The following RNF43 variants were observed in gnomAD, a reference collection of about 807,000 sequenced individuals.
RNF43 encodes ring finger protein 43.
In RNF43, 37 loss-of-function variants were observed where a neutral mutation model predicts 78.4. The ratio of observed to expected loss-of-function variants is 0.47; its 90% confidence interval spans 0.36 to 0.62. The LOEUF is 0.62. RNF43 is among the 20% of genes least tolerant of loss of function. The pLI is 0.00. For missense variants in RNF43, 774 were observed against 1,007.9 expected, an observed-to-expected ratio of 0.77 and a Z score of 3.14; for synonymous variants, 347 against 395.0, an observed-to-expected ratio of 0.88 and a Z score of 1.44.
chr17:58,358,962 TA>T lies in RNF43; in HGVS notation c.953-140del. On this transcript the variant is annotated intron_variant, in intron 8 of 9. Coordinates refer to ENST00000407977, the MANE Select transcript of RNF43 (RefSeq NM_017763.6). The surrounding 1 kb of genome is among the most constrained non-coding windows in gnomAD (Gnocchi z 6.2). Reference sequence around the variant, plus strand: ...GAGTTTGGGGGATCAAGGACGTGCCTAAGCTGCCTGTGCTCTGGGACTCCTT... The same window carrying T: ...GAGTTTGGGGGATCAAGGACGTGCCTAGCTGCCTGTGCTCTGGGACTCCTT... 3 of 932,248 alleles carry T rather than the reference TA, an allele frequency of 3.2e-6. No individual in the cohort carries two copies. The highest frequency in any genetic ancestry group is 4.6e-6 in the Non-Finnish European group (3 of 659,276). 57.7% of individuals were successfully genotyped at this position (932,248 alleles called of 1,614,324 possible).
rs1972767451 is a variant in RNF43 at position 58,358,788 on chromosome 17, G to A, written c.988C>T (p.Arg330Ter). The A allele has an allele frequency of 6.4e-6, 10 of 1,550,698 alleles. No homozygotes were observed. Among genetic ancestry groups the A allele is most frequent in the Non-Finnish European group, 8.7e-6 (10 of 1,146,786 alleles). ...DSFSQSLGPSRSYQEPGRRLH... is the reference protein window; with the variant it reads ...DSFSQSLGPS ...CTTCGACCTGGTTCTTGGTAAGATC[G>A]AGAGGGTCCCAGGGACTGGGAAAAT... The change falls in exon 9 of 10, where the codon CGA becomes TGA. Residue 330 changes from arginine (R) to a stop codon, truncating the protein, a stop_gained. Transcript: ENST00000407977. LOFTEE classifies it high-confidence loss of function. The surrounding 1 kb of genome is among the most constrained non-coding windows in gnomAD (Gnocchi z 6.2).
intron 2 of RNF43, among the ~76,000 whole-genome samples, chr17:58,400,660 C>T (rs1297461187): frequency 6.6e-6 from 1 of 152,180 alleles, no homozygotes; most frequent in Non-Finnish European, 1.5e-5. Context: ...AAATACAAGT[C>T]TACTGAGAGC....
intron 3 of RNF43, among the ~76,000 whole-genome samples, chr17:58,366,709 A>T (rs1236614733): frequency 6.6e-6 from 1 of 152,194 alleles, no homozygotes; most frequent in Non-Finnish European, 1.5e-5. Flanking sequence ...TAATAACAGG[A>T]CCTAGTCCAT....
chr17:58,360,116 T>C lies in RNF43; in HGVS notation c.952+33A>G, dbSNP rs2143437684. Reference sequence around the variant, plus strand: ...AAGCCACATTCTAGACCTGTCTGCCTACACAGAGGGGAGTCCTTGGCCCAC... The same window carrying C: ...AAGCCACATTCTAGACCTGTCTGCCCACACAGAGGGGAGTCCTTGGCCCAC... On this transcript the variant is annotated intron_variant, in intron 8 of 9. Coordinates refer to ENST00000407977, the MANE Select transcript of RNF43 (RefSeq NM_017763.6). The surrounding 1 kb of genome is among the most constrained non-coding windows in gnomAD (Gnocchi z 4.3). The C allele has an allele frequency of 1.3e-6, 2 of 1,532,492 alleles. No individual in the cohort carries two copies. Among genetic ancestry groups the C allele is most frequent in the Non-Finnish European group, 1.8e-6 (2 of 1,106,760 alleles). 94.9% of individuals were successfully genotyped at this position (1,532,492 alleles called of 1,614,324 possible).
At chr17:58,368,549 TAA>T (rs1300899429) in intron 3 of RNF43, among the ~76,000 whole-genome samples, 6 of 104,524 alleles carry the variant, frequency 5.7e-5, no homozygotes, top group African/African-American at 7.2e-5. Flanking sequence ...TCCATCTCGT[TAA>T]AAAAAAAAAA....
At position 58,362,685 on chromosome 17, in the gene RNF43, C is replaced by T. The variant is rs201082136; in HGVS notation, c.583-37G>A. The T allele has an allele frequency of 6.7e-5, 102 of 1,518,478 alleles. No homozygotes were observed. The highest frequency in any genetic ancestry group is 8.6e-5 in the Non-Finnish European group (95 of 1,108,386). 94.1% of individuals were successfully genotyped at this position (1,518,478 alleles called of 1,614,324 possible). A position where few individuals can be genotyped will look rare whatever the true frequency, so the allele number is the denominator to read the frequency against. Reference sequence around the variant, plus strand: ...GCAGAGAGGGAAAGGGTCATACTTCCGGGATGAGCTGGGTCAATTCGGGAG... The same window carrying T: ...GCAGAGAGGGAAAGGGTCATACTTCTGGGATGAGCTGGGTCAATTCGGGAG... On this transcript the variant is annotated intron_variant, in intron 5 of 9. Transcript: ENST00000407977.
rs1567872383 is a variant in RNF43, at chr17:58,357,454, C to G, written c.2308+14G>C. ...TCCTCTCCCTACCACACCCACTTCC[C>G]TCTGAAAACTCACCAGGCTGGGCCG... is the stretch of plus-strand genomic sequence containing the variant. On this transcript the variant is annotated intron_variant, in intron 9 of 9. Transcript: ENST00000407977. This position sits in a 1 kb window ranked among gnomAD's most constrained non-coding sequence, Gnocchi z 4.5. 6.2e-7 allele frequency: 1 copy of G among 1,614,264 alleles called. No individual in the cohort carries two copies. Among genetic ancestry groups the G allele is most frequent in the African/African-American group, 1.3e-5 (1 of 75,080 alleles).
intron 2 of RNF43, among the ~76,000 whole-genome samples, chr17:58,374,507 C>T (rs1973165545): frequency 6.6e-6 from 1 of 151,992 alleles, no homozygotes; most frequent in African/African-American, 2.4e-5. Flanking sequence ...ATTCTCCTGC[C>T]TCAGCCTCCC....
chr17:58,400,023 C>T (rs192167745), intron 2 of RNF43, among the ~76,000 whole-genome samples: 212 of 152,294 alleles, frequency 1.4e-3, no homozygotes, highest in Non-Finnish European at 2.4e-3. Context: ...TAGGATCCCT[C>T]AGACTCTGAT....
At chr17:58,398,443 A>T (rs1309727406) in intron 2 of RNF43, among the ~76,000 whole-genome samples, 1 of 152,198 alleles carries the variant, frequency 6.6e-6, no homozygotes, top group Non-Finnish European at 1.5e-5. Context: ...CATAGCAGAG[A>T]AAAAATTCCA....
At chr17:58,375,884 C>T (rs759055552) in intron 2 of RNF43, among the ~76,000 whole-genome samples, 7 of 152,222 alleles carry the variant, frequency 4.6e-5, no homozygotes, top group Admixed American at 1.3e-4. Flanking sequence ...GGGGCATTTG[C>T]CAAAAGCAAA....
intron 6 of RNF43, among the ~76,000 whole-genome samples, chr17:58,361,519 C>G (rs1429497033): frequency 6.6e-6 from 1 of 152,196 alleles, no homozygotes; most frequent in Non-Finnish European, 1.5e-5. Flanking sequence ...GCAATAGCCT[C>G]TTAGATGGTT....
At chr17:58,405,714 G>GAAAGAA (rs953064854) in intron 2 of RNF43, among the ~76,000 whole-genome samples, 1 of 143,498 alleles carries the variant, frequency 7.0e-6, no homozygotes, top group Non-Finnish European at 1.5e-5. Context: ...AAGAAAGAAA[G>GAAAGAA]AAAGAAAGAA....
At chr17:58,365,911 C>G (rs903230224) in intron 3 of RNF43, among the ~76,000 whole-genome samples, 11 of 152,198 alleles carry the variant, frequency 7.2e-5, no homozygotes, top group Non-Finnish European at 2.9e-5. Flanking sequence ...GGAGCCATTA[C>G]AGAGAGAGCA....
chr17:58,364,238 C>T (rs550554731), intron 3 of RNF43, among the ~76,000 whole-genome samples: 1 of 152,352 alleles, frequency 6.6e-6, no homozygotes, highest in East Asian at 1.9e-4. Flanking sequence ...GGCTCCAATT[C>T]AAGGACTTAG....
chr17:58,405,068 CTTTTTTTTTTTTTTTTT>C (rs35147601), intron 2 of RNF43, among the ~76,000 whole-genome samples: 883 of 79,642 alleles, frequency 0.011, 12 homozygotes, highest in African/African-American at 0.019. Flanking sequence ...TGTAGTACTT[CTTTTTTTTTTTTTTTTT>C]TTTTTTTTTT....
intron 2 of RNF43, among the ~76,000 whole-genome samples, chr17:58,379,540 C>T (rs143907760): frequency 6.1e-4 from 93 of 152,324 alleles, no homozygotes; most frequent in South Asian, 3.5e-3. Flanking sequence ...ACATTACAGA[C>T]GCCATTCTTC....
intron 2 of RNF43, among the ~76,000 whole-genome samples, chr17:58,394,662 A>G (rs918116707): frequency 1.3e-5 from 2 of 152,206 alleles, no homozygotes; most frequent in African/African-American, 4.8e-5. Context: ...CAGGCCAACA[A>G]AAGGGTAGAA....
chr17:58,385,943 T>G (rs1378219826), intron 2 of RNF43, among the ~76,000 whole-genome samples: 1 of 151,586 alleles, frequency 6.6e-6, no homozygotes, highest in East Asian at 1.9e-4. Context: ...CCCATCTCTA[T>G]GAAAAATTTT....
Sources: gnomAD v4.1 joint callset for allele counts (sites outside exome capture counted in the v4.1 genomes callset) on GRCh38, gnomAD v4.1.1 for gene constraint, Gnocchi (gnomAD v3.1) non-coding constraint, MANE v1.5 for transcripts, NCBI Gene and HGNC (gene_info 2026-07-23, HGNC 2026-07-21) for gene names.